Variants in A4GNT observed in about 807,000 individuals in gnomAD.
A4GNT encodes alpha-1,4-N-acetylglucosaminyltransferase.
A neutral mutation model predicts 8.3 loss-of-function variants in A4GNT; 6 were observed. The observed-to-expected ratio is 0.72, with a 90% CI of 0.39 to 1.42. The LOEUF (loss-of-function observed/expected upper bound fraction) is 1.42, where lower values mean the gene tolerates loss of function less well. Ranked by LOEUF, A4GNT falls within the 40% of genes most tolerant of loss-of-function variation. The pLI, the probability that A4GNT is intolerant of heterozygous loss-of-function variation, is 0.02. For synonymous variants in A4GNT, 157 were observed against 159.8 expected (o/e 0.98, Z 0.13); for missense variants, 377 against 417.0 (o/e 0.90, Z 0.84).
At chr3:138,131,342 C>A in intron 1 of A4GNT, 60 bp from the exon 2 acceptor site, 1 of 1,303,790 alleles carries the variant, frequency 7.7e-7, no homozygotes, top group Non-Finnish European at 1.0e-6. Context: ...AGATAGCACA[C>A]AAGAAAATGA....
Position 138,124,581 on chromosome 3 carries a change from A to C in A4GNT, c.706T>G (p.Cys236Gly). ...ACCTCCTGGAAGTCTTCAAGTTTACACCATACCCTCAACATCCTTGTCATC... is the reference window on the plus strand; with the variant it reads ...ACCTCCTGGAAGTCTTCAAGTTTACCCCATACCCTCAACATCCTTGTCATC... ...ELMTRMLRVW[C>G]KLEDFQEVSD... Residue 236 changes from cysteine to glycine, a missense_variant, in exon 3 of 3, where the codon TGT becomes GGT. Coordinates refer to ENST00000236709, the MANE Select transcript of A4GNT (RefSeq NM_016161.3). 6.2e-7 allele frequency: 1 copy of C among 1,614,218 alleles called. No homozygotes were observed.
chr3:138,128,748 G>A (rs559439563), intron 2 of A4GNT, among the ~76,000 whole-genome samples: 51 of 152,174 alleles, frequency 3.4e-4, no homozygotes, highest in Admixed American at 2.1e-3. Flanking sequence ...GAGCCACAAA[G>A]ACCAAGCTGG....
chr3:138,131,555 C>T (rs2042776990), intron 1 of A4GNT, among the ~76,000 whole-genome samples: 1 of 147,166 alleles, frequency 6.8e-6, no homozygotes, highest in South Asian at 2.2e-4. Context: ...AAAATCATCA[C>T]AAAAATTTAA....
chr3:138,125,803 G>A (rs2622695), intron 2 of A4GNT, among the ~76,000 whole-genome samples: 94,675 of 150,082 alleles, frequency 0.63, 30,028 homozygotes, highest in Admixed American at 0.69. Flanking sequence ...TGAAGCTCAG[G>A]TCTGTATCCC....
At chr3:138,127,208 G>A (rs552822685) in intron 2 of A4GNT, among the ~76,000 whole-genome samples, 1 of 149,030 alleles carries the variant, frequency 6.7e-6, no homozygotes, top group South Asian at 2.1e-4. Flanking sequence ...ATCAATAATT[G>A]TTCTAAGCTC....
chr3:138,127,695 C>A (rs2042754322), intron 2 of A4GNT, among the ~76,000 whole-genome samples: 1 of 152,144 alleles, frequency 6.6e-6, no homozygotes, highest in Non-Finnish European at 1.5e-5. Flanking sequence ...AATTCTCATT[C>A]CTGGGCATCA....
chr3:138,131,389 T>A, intron 1 of A4GNT, 107 bp from the exon 2 acceptor site: 1 of 940,244 alleles, frequency 1.1e-6, no homozygotes, highest in Non-Finnish European at 1.5e-6. Context: ...ATTTTAAATA[T>A]CCTAAATAAA....
chr3:138,130,775 C>G, intron 2 of A4GNT, 74 bp downstream of exon 2: 1 of 1,523,040 alleles, frequency 6.6e-7, no homozygotes, highest in Non-Finnish European at 8.9e-7. Context: ...ATTCCCATCT[C>G]CGACCTGAGT....
At position 138,124,166 on chromosome 3, in the gene A4GNT, T is replaced by G; in HGVS notation, c.*98A>C. 6.7e-7 allele frequency: 1 copy of G among 1,492,242 alleles called. No homozygotes were observed. 92.4% of individuals were successfully genotyped at this position (1,492,242 alleles called of 1,614,324 possible). On this transcript the variant is annotated 3_prime_UTR_variant, in exon 3 of 3. Transcript: ENST00000236709. ...AACTGACATTTGAGAGGCAACCCTC[T>G]GCCCACCCCGCCAAGAGACAGTGGA...
At chr3:138,129,222 C>A (rs1371593979) in intron 2 of A4GNT, among the ~76,000 whole-genome samples, 1 of 152,128 alleles carries the variant, frequency 6.6e-6, no homozygotes, top group African/African-American at 2.4e-5. Context: ...ATTCCTGGAA[C>A]CTGTTAATGT....
At chr3:138,127,568 C>T (rs1314309752) in intron 2 of A4GNT, among the ~76,000 whole-genome samples, 2 of 149,206 alleles carry the variant, frequency 1.3e-5, no homozygotes, top group Non-Finnish European at 3.0e-5. Flanking sequence ...AGCAAGACTC[C>T]GTCTCAAAAA....
Position 138,124,868 on chromosome 3 carries a change from C to CAGA in A4GNT, c.418_419insTCT (p.Ser140delinsIleCys). 1 of 1,610,652 alleles carries CAGA rather than the reference C, an allele frequency of 6.2e-7. No homozygotes were observed. The highest frequency in any genetic ancestry group is 1.3e-5 in the African/African-American group (1 of 74,962). ...GATGTGGAGCCAGTTTCTCTCTGCG[C>CAGA]TGGCGTTGATCTGCAGGAGCAGGTG... On this transcript the variant is annotated protein_altering_variant, in exon 3 of 3. Coordinates refer to ENST00000236709, the MANE Select transcript of A4GNT (RefSeq NM_016161.3).
intron 2 of A4GNT, among the ~76,000 whole-genome samples, chr3:138,125,746 C>T (rs1483699186): frequency 6.6e-6 from 1 of 152,192 alleles, no homozygotes; most frequent in Non-Finnish European, 1.5e-5. Context: ...CCACAGACCT[C>T]CCTTCCTGGT....
chr3:138,128,472 G>A (rs2042758389), intron 2 of A4GNT, among the ~76,000 whole-genome samples: 1 of 151,890 alleles, frequency 6.6e-6, no homozygotes. Flanking sequence ...GAGAGAGTGG[G>A]GGTGGGGGGG....
rs1576520699 is a variant in A4GNT, at chr3:138,123,877, A to T, written c.*387T>A. On this transcript the variant is annotated 3_prime_UTR_variant, in exon 3 of 3. Coordinates refer to ENST00000236709, the MANE Select transcript of A4GNT (RefSeq NM_016161.3). ...AAAACTGTTAGCTGCCTATCCCAGT[A>T]CCCATTTTTTCTTCCTCCTTAAACT... The T allele has an allele frequency of 5.4e-6, 1 of 183,524 alleles. No individual in the cohort carries two copies. The highest frequency in any genetic ancestry group is 2.4e-5 in the African/African-American group (1 of 42,038). The allele number at this position is 183,524 out of a possible 1,614,324, so 11.4% of individuals were successfully genotyped here.
At position 138,124,740 on chromosome 3, in the gene A4GNT, C is replaced by T; in HGVS notation, c.547G>A (p.Ala183Thr). Residue 183 changes from alanine (A) to threonine (T), a missense_variant, in exon 3 of 3, where the codon GCT becomes ACT. Ala to Thr is a moderately conservative substitution (Grantham distance 58). Coordinates refer to ENST00000236709, the MANE Select transcript of A4GNT (RefSeq NM_016161.3). ...CTAGAGTACCGAGAAGCCTGCGCAG[C>T]CAAAAAGTTCTCCTCAGGGATGGGC... The part of the protein sequence containing the change: ...IRPIPEENFL[A>T]AQASRYSSNG... 6.2e-7 allele frequency: 1 copy of T among 1,614,164 alleles called. No individual in the cohort carries two copies. The highest frequency in any genetic ancestry group is 8.5e-7 in the Non-Finnish European group (1 of 1,180,030).
At position 138,124,859 on chromosome 3, in the gene A4GNT, C is replaced by T. The variant is rs1171899454; in HGVS notation, c.428G>A (p.Arg143Lys). 1 of 1,612,120 alleles carries T rather than the reference C, an allele frequency of 6.2e-7. No individual in the cohort carries two copies. Among genetic ancestry groups the T allele is most frequent in the Non-Finnish European group, 8.5e-7 (1 of 1,179,298 alleles). The change falls in exon 3 of 3, where the codon AGA becomes AAA. Residue 143 changes from arginine to lysine, a missense_variant. Transcript: ENST00000236709. The stretch of plus-strand genomic sequence containing the variant: ...ATCCGAGCTGATGTGGAGCCAGTTT[C>T]TCTCTGCGCTGGCGTTGATCTGCAG... Reference protein sequence around the residue: ...WYNQINASAERNWLHISSDAS... With the variant: ...WYNQINASAEKNWLHISSDAS...
chr3:138,126,957 C>G (rs2042748823), intron 2 of A4GNT, among the ~76,000 whole-genome samples: 1 of 150,490 alleles, frequency 6.6e-6, no homozygotes, highest in Non-Finnish European at 1.5e-5. Context: ...TAGTGAAACC[C>G]TATCTCTACT....
At chr3:138,132,610 A>G (rs911538963), upstream of A4GNT, among the ~76,000 whole-genome samples, 1 of 152,204 alleles carries the variant, frequency 6.6e-6, no homozygotes, top group African/African-American at 2.4e-5. Context: ...TTGTGGATCT[A>G]TTATGGGGGT....
Sources: gnomAD v4.1 joint callset for allele counts (sites outside exome capture counted in the v4.1 genomes callset) on GRCh38, gnomAD v4.1.1 for gene constraint, MANE v1.5 for transcripts, NCBI Gene and HGNC (gene_info 2026-07-23, HGNC 2026-07-21) for gene names.